The following CNTNAP2 variants were observed in gnomAD, a reference collection of about 807,000 sequenced individuals.
CNTNAP2 encodes the protein contactin associated protein 2.
In CNTNAP2, 98 loss-of-function variants were observed where a neutral mutation model predicts 155.2. That is an observed-to-expected ratio of 0.63 (90% confidence interval 0.54 to 0.75). CNTNAP2 has a LOEUF of 0.75. Among genes scored for constraint, CNTNAP2 ranks in the 30% least tolerant of loss-of-function variants. CNTNAP2 has a pLI of 0.00. For missense variants in CNTNAP2, 1,727 were observed against 1,688.1 expected (o/e 1.02, Z -0.40); for synonymous variants, 651 against 631.2 (o/e 1.03, Z -0.47).
At chr7:146,928,996 C>T (rs905542624) in intron 3 of CNTNAP2, among the ~76,000 whole-genome samples, 1 of 152,226 alleles carries the variant, frequency 6.6e-6, no homozygotes, top group African/African-American at 2.4e-5. Context: ...GTAGGCTCCA[C>T]CTCTGGGGGC....
intron 15 of CNTNAP2, among the ~76,000 whole-genome samples, chr7:147,997,600 G>A (rs958068951): frequency 5.9e-5 from 9 of 152,088 alleles, no homozygotes; most frequent in African/African-American, 1.7e-4. Context: ...ACAGTGAAGC[G>A]GGTGCAGCAT....
chr7:146,439,602 A>T (rs193245363), intron 1 of CNTNAP2, among the ~76,000 whole-genome samples: 3 of 151,570 alleles, frequency 2.0e-5, no homozygotes, highest in Admixed American at 1.3e-4. Context: ...ACAAAATGCC[A>T]TCTGCATCTA....
At chr7:146,853,449 A>G (rs1794919193) in intron 3 of CNTNAP2, among the ~76,000 whole-genome samples, 1 of 152,168 alleles carries the variant, frequency 6.6e-6, no homozygotes, top group African/African-American at 2.4e-5. Flanking sequence ...CCCCCAAATA[A>G]TATCAAACCT....
At chr7:146,698,763 A>G (rs1800826430) in intron 1 of CNTNAP2, among the ~76,000 whole-genome samples, 1 of 152,118 alleles carries the variant, frequency 6.6e-6, no homozygotes, top group South Asian at 2.1e-4. Context: ...CGTTATGCAC[A>G]TTACACATTT....
intron 13 of CNTNAP2, among the ~76,000 whole-genome samples, chr7:147,799,994 G>A (rs1303214860): frequency 6.6e-6 from 1 of 152,198 alleles, no homozygotes. Context: ...ATGGGCATTT[G>A]TGGATGAGTA....
rs148269524 is a variant in CNTNAP2, at chr7:147,186,174, G to A, written c.1348+53665G>A. ...GGGTGAAAGTGAAGAAGATGGGAAT[G>A]GAAGGAGACACTGGGAGCATCAATC... is the stretch of plus-strand genomic sequence containing the variant. On this transcript the variant is annotated intron_variant, in intron 8 of 23. Transcript: ENST00000361727. Among the ~76,000 whole-genome samples the A allele has an allele frequency of 5.3e-3, 805 of 152,212 alleles. 8 individuals are homozygous for A. The highest frequency in any genetic ancestry group is 0.019 in the African/African-American group (770 of 41,538).
chr7:146,426,519 A>G (rs182687997), intron 1 of CNTNAP2, among the ~76,000 whole-genome samples: 42 of 151,268 alleles, frequency 2.8e-4, no homozygotes. Context: ...ACACGTGTGT[A>G]TATTATAAAA....
intron 12 of CNTNAP2, among the ~76,000 whole-genome samples, chr7:147,599,743 G>T (rs1279586433): frequency 6.6e-6 from 1 of 152,054 alleles, no homozygotes; most frequent in Non-Finnish European, 1.5e-5. Flanking sequence ...GTGTGTCCAT[G>T]TTCAGATCCC....
chr7:146,679,384 A>G (rs994258899), intron 1 of CNTNAP2, among the ~76,000 whole-genome samples: 10 of 130,070 alleles, frequency 7.7e-5, no homozygotes, highest in African/African-American at 2.7e-4. Flanking sequence ...AGAGTCTCAC[A>G]TTGTCCTGTT....
chr7:146,928,103 A>G (rs965146405), intron 3 of CNTNAP2, among the ~76,000 whole-genome samples: 1 of 151,714 alleles, frequency 6.6e-6, no homozygotes, highest in Non-Finnish European at 1.5e-5. Flanking sequence ...TCTCTTTGTC[A>G]TTGCCCTGAT....
intron 3 of CNTNAP2, among the ~76,000 whole-genome samples, chr7:146,856,981 T>C (rs928456225): frequency 2.0e-5 from 3 of 152,142 alleles, no homozygotes; most frequent in African/African-American, 7.2e-5. Flanking sequence ...TAAGAAAAGA[T>C]GCCCTAAAGA....
In CNTNAP2 at chr7:147,585,689, C is replaced by T. The variant is rs139460234; in HGVS notation, c.1897+23432C>T. Among the ~76,000 whole-genome samples, 744 of 151,306 alleles carry T rather than the reference C, an allele frequency of 4.9e-3. 3 individuals carry two copies. Among genetic ancestry groups the T allele is most frequent in the Admixed American group, 8.6e-3 (131 of 15,170 alleles). On this transcript the variant is annotated intron_variant, in intron 12 of 23. Coordinates refer to ENST00000361727, the MANE Select transcript of CNTNAP2 (RefSeq NM_014141.6). ...TTAATTCAGATTTTAAATAATTGACCAACTTATTTTAAATTATTTTCTATG... is the reference window on the plus strand; with the variant it reads ...TTAATTCAGATTTTAAATAATTGACTAACTTATTTTAAATTATTTTCTATG...
At chr7:147,578,010 A>G (rs768834114) in intron 12 of CNTNAP2, among the ~76,000 whole-genome samples, 1 of 152,102 alleles carries the variant, frequency 6.6e-6, no homozygotes, top group Non-Finnish European at 1.5e-5. Context: ...TCCAACTTCT[A>G]TACAACATTT....
intron 1 of CNTNAP2, among the ~76,000 whole-genome samples, chr7:146,630,220 G>A (rs777715437): frequency 6.6e-6 from 1 of 152,092 alleles, no homozygotes; most frequent in Non-Finnish European, 1.5e-5. Context: ...ACTAATGAGT[G>A]AGAACATGTG....
intron 15 of CNTNAP2, among the ~76,000 whole-genome samples, chr7:147,997,823 G>A (rs983341192): frequency 3.9e-5 from 6 of 152,106 alleles, no homozygotes; most frequent in African/African-American, 1.2e-4. Context: ...GGTTCTCTGG[G>A]TGCACATGCG....
chr7:148,031,563 G>A lies in CNTNAP2; in HGVS notation c.2383+53574G>A, dbSNP rs922383556. Among the ~76,000 whole-genome samples, 46 of 152,162 alleles carry A rather than the reference G, an allele frequency of 3.0e-4. 1 individual carries two copies. The highest frequency in any genetic ancestry group is 4.8e-5 in the African/African-American group (2 of 41,440). ...AATACTACTTAAGTGCTACTTAATA[G>A]AAAGTAAATCAATAGTATTCAACAG... is the stretch of plus-strand genomic sequence containing the variant. On this transcript the variant is annotated intron_variant, in intron 15 of 23. Transcript: ENST00000361727.
chr7:147,486,229 T>C (rs763462874), intron 11 of CNTNAP2, among the ~76,000 whole-genome samples, 188 bp downstream of exon 11: 47 of 152,280 alleles, frequency 3.1e-4, no homozygotes, highest in African/African-American at 5.5e-4. Context: ...TGTTAAAATA[T>C]GTTCTCTGGT....
intron 1 of CNTNAP2, among the ~76,000 whole-genome samples, chr7:146,184,396 A>G (rs1798593733): frequency 6.6e-6 from 1 of 152,158 alleles, no homozygotes; most frequent in Admixed American, 6.5e-5. Context: ...TAGACTCCAA[A>G]CAACAAAAGA....
At chr7:148,338,585 G>T (rs1401444488) in intron 21 of CNTNAP2, among the ~76,000 whole-genome samples, 1 of 152,032 alleles carries the variant, frequency 6.6e-6, no homozygotes, top group Non-Finnish European at 1.5e-5. Flanking sequence ...TACTGCTGAT[G>T]AACCAGGAGG....
Sources: gnomAD v4.1 joint callset for allele counts (sites outside exome capture counted in the v4.1 genomes callset) on GRCh38, gnomAD v4.1.1 for gene constraint, MANE v1.5 for transcripts, NCBI Gene and HGNC (gene_info 2026-07-23, HGNC 2026-07-21) for gene names.